Variants in AGBL1 observed in about 807,000 individuals in gnomAD.
The protein encoded by AGBL1 is cytosolic carboxypeptidase 4.
In AGBL1, 130 loss-of-function variants were observed where a neutral mutation model predicts 118.9. The ratio of observed to expected loss-of-function variants is 1.09; its 90% CI spans 0.95 to 1.26. The LOEUF (loss-of-function observed/expected upper bound fraction) is 1.26, where lower values mean the gene tolerates loss of function less well. AGBL1 is among the 50% of genes most tolerant of loss of function. The pLI is 0.00. For synonymous variants in AGBL1, 555 were observed against 478.9 expected (o/e 1.16, Z -2.08); for missense variants, 1,584 against 1,298.1 (o/e 1.22, Z -3.38).
intron 22 of AGBL1, among the ~76,000 whole-genome samples, chr15:86,864,350 C>G (rs1037485834): frequency 2.0e-5 from 3 of 152,304 alleles, no homozygotes; most frequent in Non-Finnish European, 4.4e-5. Context: ...GTTTTCCCAT[C>G]TACCAAAAAA....
intron 1 of AGBL1, among the ~76,000 whole-genome samples, chr15:86,081,848 C>T (rs1298910353): frequency 2.0e-5 from 3 of 152,146 alleles, no homozygotes; most frequent in Admixed American, 2.0e-4. Context: ...CTGTAGTCGG[C>T]CTCAAAGTCA....
At chr15:86,540,319 A>C (rs2083477001) in intron 19 of AGBL1, among the ~76,000 whole-genome samples, 1 of 152,076 alleles carries the variant, frequency 6.6e-6, no homozygotes, top group Non-Finnish European at 1.5e-5. Flanking sequence ...TGAGGTGGGG[A>C]GCGGTGGCTC....
At chr15:86,942,679 C>A (rs16978109) in intron 23 of AGBL1, among the ~76,000 whole-genome samples, 4,977 of 152,220 alleles carry the variant, frequency 0.033, 279 homozygotes, top group African/African-American at 0.11. Context: ...TCTTACTGAG[C>A]GTTTGTGATT....
chr15:86,999,624 C>T (rs1596724283), intron 24 of AGBL1, among the ~76,000 whole-genome samples: 1 of 150,212 alleles, frequency 6.7e-6, no homozygotes, highest in Admixed American at 6.6e-5. Flanking sequence ...TCCAGTCTAT[C>T]GTTGTTGGAC....
chr15:86,652,072 A>C (rs2085380843), intron 21 of AGBL1, among the ~76,000 whole-genome samples: 1 of 152,168 alleles, frequency 6.6e-6, no homozygotes, highest in Non-Finnish European at 1.5e-5. Context: ...CACTAACTTC[A>C]TCTATTCTTT....
chr15:86,374,647 T>A (rs931735819), intron 17 of AGBL1, among the ~76,000 whole-genome samples: 4 of 152,306 alleles, frequency 2.6e-5, no homozygotes, highest in Admixed American at 1.3e-4. Context: ...GCCTCATGCA[T>A]CTATCTGGCC....
intron 5 of AGBL1, among the ~76,000 whole-genome samples, chr15:86,167,007 A>T (rs1418293179): frequency 2.0e-5 from 3 of 152,112 alleles, no homozygotes; most frequent in African/African-American, 7.2e-5. Context: ...GGCAGGCTCT[A>T]GGAACTTTCA....
intron 5 of AGBL1, among the ~76,000 whole-genome samples, chr15:86,181,423 C>G (rs189317652): frequency 1.3e-5 from 2 of 152,012 alleles, no homozygotes; most frequent in Admixed American, 1.3e-4. Flanking sequence ...AAAGTATATA[C>G]TGTATTATAC....
At chr15:86,657,157 A>C (rs1167052603) in intron 21 of AGBL1, among the ~76,000 whole-genome samples, 1 of 152,122 alleles carries the variant, frequency 6.6e-6, no homozygotes, top group Non-Finnish European at 1.5e-5. Context: ...TGCCCCTTCC[A>C]CTAAGCCTTC....
intron 22 of AGBL1, among the ~76,000 whole-genome samples, chr15:86,899,311 C>T (rs1422951782): frequency 6.6e-6 from 1 of 152,116 alleles, no homozygotes; most frequent in East Asian, 1.9e-4. Context: ...CACGTGTTAT[C>T]ACTTATAAGT....
intron 22 of AGBL1, among the ~76,000 whole-genome samples, chr15:86,764,139 G>C (rs1355408270): frequency 1.3e-5 from 2 of 151,944 alleles, no homozygotes; most frequent in Non-Finnish European, 2.9e-5. Flanking sequence ...AAGTGGGTTG[G>C]ATTAGAAAGT....
chr15:86,196,879 G>GCGCGCGCGCGCGCA (rs756313941), intron 5 of AGBL1, among the ~76,000 whole-genome samples: 3 of 116,960 alleles, frequency 2.6e-5, no homozygotes, highest in Admixed American at 8.7e-5. Context: ...GCGCGCGCGC[G>GCGCGCGCGCGCGCA]CACACACACA....
chr15:86,450,900 T>C (rs947837551), intron 18 of AGBL1, among the ~76,000 whole-genome samples: 30 of 152,210 alleles, frequency 2.0e-4, no homozygotes, highest in African/African-American at 2.4e-5. Context: ...TCAATAGATA[T>C]TCTTACTGCA....
chr15:86,425,748 A>G (rs763913410), intron 18 of AGBL1, among the ~76,000 whole-genome samples: 2 of 152,198 alleles, frequency 1.3e-5, no homozygotes, highest in Non-Finnish European at 2.9e-5. Flanking sequence ...CAGGGCCAAC[A>G]TGCTATAGTT....
chr15:86,918,562 G>C (rs1057028785), downstream of AGBL1, among the ~76,000 whole-genome samples: 1 of 151,552 alleles, frequency 6.6e-6, no homozygotes, highest in East Asian at 1.9e-4. Flanking sequence ...AAAAGGAAAT[G>C]GATCTGTAAT....
chr15:86,829,070 A>G (rs967322532), intron 22 of AGBL1, among the ~76,000 whole-genome samples: 5 of 151,796 alleles, frequency 3.3e-5, no homozygotes, highest in Non-Finnish European at 7.4e-5. Context: ...AATATTATTG[A>G]TGTCCTGGTT....
At chr15:86,610,401 A>T (rs1039257504) in intron 21 of AGBL1, among the ~76,000 whole-genome samples, 1 of 152,176 alleles carries the variant, frequency 6.6e-6, no homozygotes, top group African/African-American at 2.4e-5. Flanking sequence ...AATTTTTAGC[A>T]TGTGATGATG....
chr15:86,428,024 G>A (rs945187965), intron 18 of AGBL1, among the ~76,000 whole-genome samples: 9 of 152,208 alleles, frequency 5.9e-5, no homozygotes, highest in African/African-American at 2.2e-4. Flanking sequence ...TTCTGTAGAT[G>A]ATGTAACTGG....
chr15:86,472,451 G>A (rs2082491349), intron 18 of AGBL1, among the ~76,000 whole-genome samples: 1 of 152,116 alleles, frequency 6.6e-6, no homozygotes, highest in Non-Finnish European at 1.5e-5. Context: ...GTGTGCTCTA[G>A]TCACAGTGGT....
Sources: gnomAD v4.1 joint callset for allele counts (sites outside exome capture counted in the v4.1 genomes callset) on GRCh38, gnomAD v4.1.1 for gene constraint, MANE v1.5 for transcripts, NCBI Gene and HGNC (gene_info 2026-07-23, HGNC 2026-07-21) for gene names.